The following SLC45A3 variants were observed in gnomAD, a reference collection of about 807,000 sequenced individuals.
The protein encoded by SLC45A3 is prostate cancer associated protein 2.
SLC45A3 carries 17 observed loss-of-function variants against 35.3 expected under a neutral mutation model. The ratio of observed to expected loss-of-function variants is 0.48; its 90% CI spans 0.33 to 0.72. The LOEUF (loss-of-function observed/expected upper bound fraction) is 0.72. SLC45A3 is among the 30% of genes least tolerant of loss of function. The pLI, the probability that SLC45A3 is intolerant of heterozygous loss-of-function variation, is 0.02. For synonymous variants in SLC45A3, 288 were observed against 334.3 expected (o/e 0.86, Z 1.51); for missense variants, 597 against 731.7 (o/e 0.82, Z 2.12).
chr1:205,663,454 G>C lies in SLC45A3; in HGVS notation c.337C>G (p.Leu113Val), dbSNP rs141243660. Reference sequence around the variant, plus strand: ...TCCAGGGGCCTGGGATCCGGGCACAGCAGCCCTGCTAGCCAGCCGGCCCTT... The same window carrying C: ...TCCAGGGGCCTGGGATCCGGGCACACCAGCCCTGCTAGCCAGCCGGCCCTT... Reference protein sequence around the residue: ...IPRAGWLAGLLCPDPRPLELA... With the variant: ...IPRAGWLAGLVCPDPRPLELA... Residue 113 changes from leucine to valine, a missense_variant, in exon 3 of 5, where the codon CTG becomes GTG. By Grantham distance (32) the Leu-to-Val change is conservative. Transcript: ENST00000367145. The C allele has an allele frequency of 2.0e-4, 324 of 1,612,810 alleles. 1 individual carries two copies. The African/African-American group carries it at 4.1e-3, about 20-fold the overall frequency.
rs1037398484 is a variant in SLC45A3, at chr1:205,662,236, G to A, written c.959-110C>T. 3 of 1,468,048 alleles carry A rather than the reference G, an allele frequency of 2.0e-6. No individual in the cohort carries two copies. Among genetic ancestry groups the A allele is most frequent in the South Asian group, 1.4e-5 (1 of 70,848 alleles). 90.9% of individuals were successfully genotyped at this position (1,468,048 alleles called of 1,614,324 possible). The stretch of plus-strand genomic sequence containing the variant: ...GTACCTGCTGCACGAGACCTGCTGT[G>A]GACCAGCCCTGCTCCCCAGCACCCT... On this transcript the variant is annotated intron_variant, in intron 3 of 4. Transcript: ENST00000367145. This position sits in a 1 kb window ranked among gnomAD's most constrained non-coding sequence, Gnocchi z 6.2.
At position 205,658,419 on chromosome 1, in the gene SLC45A3, C is replaced by A. The variant is rs1670960611; in HGVS notation, c.*815G>T. On this transcript the variant is annotated 3_prime_UTR_variant, in exon 5 of 5. Transcript: ENST00000367145. ...GGTTAGGCATTTTGGGGGGCCAGAC[C>A]CCAGGAGAAGAAGATTCTGGCAATG... The A allele has an allele frequency of 8.6e-6, 2 of 232,908 alleles. No individual in the cohort carries two copies. Among genetic ancestry groups the A allele is most frequent in the Non-Finnish European group, 1.7e-5 (2 of 117,930 alleles). The allele number at this position is 232,908 out of a possible 1,614,324, so 14.4% of individuals were successfully genotyped here. A position where few individuals can be genotyped will look rare whatever the true frequency, so the allele number is the denominator to read the frequency against.
intron 1 of SLC45A3, among the ~76,000 whole-genome samples, chr1:205,665,544 T>C (rs1018051365): frequency 6.6e-6 from 1 of 152,138 alleles, no homozygotes; most frequent in Non-Finnish European, 1.5e-5. Context: ...ATCCCTCACA[T>C]GGCCGTCCAA....
chr1:205,661,864 C>A lies in SLC45A3; in HGVS notation c.1221G>T (p.Lys407Asn). 2 of 1,611,952 alleles carry A rather than the reference C, an allele frequency of 1.2e-6. No homozygotes were observed. Among genetic ancestry groups the A allele is most frequent in the Non-Finnish European group, 1.7e-6 (2 of 1,178,492 alleles). ...YTLASLYHRE[K>N]QVFLPKYRGD... Reference sequence around the variant, plus strand: ...CCACCCACTGGCCAATGAGTACCTGCTTCTCCCGGTGGTAGAGGGAGGCCA... The same window carrying A: ...CCACCCACTGGCCAATGAGTACCTGATTCTCCCGGTGGTAGAGGGAGGCCA... Residue 407 changes from lysine to asparagine, a missense_variant, in exon 4 of 5, where the codon AAG becomes AAT. By Grantham distance (94) the Lys-to-Asn change is moderately conservative. Coordinates refer to ENST00000367145, the MANE Select transcript of SLC45A3 (RefSeq NM_033102.3).
At chr1:205,667,275 G>A (rs973432431) in intron 1 of SLC45A3, among the ~76,000 whole-genome samples, 1 of 152,332 alleles carries the variant, frequency 6.6e-6, no homozygotes, top group Admixed American at 6.5e-5. Context: ...GGAGGCCAAA[G>A]CAGGCAAATT....
At chr1:205,680,015 G>GCCGGTCCGCCAGCCGTCGGCCCGGC (rs1671377402) in intron 1 of SLC45A3, among the ~76,000 whole-genome samples, 1 of 142,672 alleles carries the variant, frequency 7.0e-6, no homozygotes, top group African/African-American at 2.5e-5. Flanking sequence ...GGAGCCAGCG[G>GCCGGTCCGCCAGCCGTCGGCCCGGC]CCGGTCCGCC....
Position 205,661,902 on chromosome 1 carries a change from G to C in SLC45A3, c.1183C>G (p.Leu395Val), listed in dbSNP as rs755640460. 1 of 1,614,174 alleles carries C rather than the reference G, an allele frequency of 6.2e-7. No individual in the cohort carries two copies. Among genetic ancestry groups the C allele is most frequent in the South Asian group, 1.1e-5 (1 of 91,072 alleles). ...TAGAGGGAGGCCAGTGTGTAGGGCA[G>C]GATCTGCAGGGCTGAGAAGGTGAAC... Reference protein sequence around the residue: ...TGFTFSALQILPYTLASLYHR... With the variant: ...TGFTFSALQIVPYTLASLYHR... The change falls in exon 4 of 5, where the codon CTG (leucine) becomes GTG (valine). Residue 395 changes from leucine to valine, a missense_variant. Leu to Val is a conservative substitution (Grantham distance 32). Coordinates refer to ENST00000367145, the MANE Select transcript of SLC45A3 (RefSeq NM_033102.3).
chr1:205,665,468 G>T (rs1220577750), intron 1 of SLC45A3, among the ~76,000 whole-genome samples: 1 of 152,160 alleles, frequency 6.6e-6, no homozygotes, highest in African/African-American at 2.4e-5. Flanking sequence ...TCCCTGGGGT[G>T]AGCCTAGGCC....
chr1:205,672,906 C>A (rs1448994135), intron 1 of SLC45A3, among the ~76,000 whole-genome samples: 1 of 152,176 alleles, frequency 6.6e-6, no homozygotes, highest in African/African-American at 2.4e-5. Flanking sequence ...CCTAAGGGCT[C>A]ACTGATGAGG....
Position 205,659,236 on chromosome 1 carries a change from A to AC in SLC45A3, c.1659dup (p.Ter554ValfsTer23), listed in dbSNP as rs1437940097. On this transcript the variant is annotated frameshift_variant, in exon 5 of 5. Coordinates refer to ENST00000367145, the MANE Select transcript of SLC45A3 (RefSeq NM_033102.3). LOFTEE classifies it high-confidence loss of function. This position sits in a 1 kb window ranked among gnomAD's most constrained non-coding sequence, Gnocchi z 5.8. ...CACCCCAATGTGCTGGAAGTTTTCT[A>AC]CGCTGAGTATTTGGCCAAGTCGCTC... 2.5e-6 allele frequency: 4 copies of AC among 1,606,224 alleles called. No homozygotes were observed. In the African/African-American group the frequency reaches 5.3e-5, roughly 21 times the overall value.
chr1:205,679,124 C>A (rs934252232), intron 1 of SLC45A3, among the ~76,000 whole-genome samples: 2 of 152,158 alleles, frequency 1.3e-5, no homozygotes, highest in East Asian at 1.9e-4. Context: ...AGGGTCACTG[C>A]GGGCCCTGGT....
rs927295178 is a variant in SLC45A3, at chr1:205,680,431, G to C, written c.-268C>G. 1 of 152,380 alleles carries C rather than the reference G, an allele frequency of 6.6e-6. No homozygotes were observed. The highest frequency in any genetic ancestry group is 1.5e-5 in the Non-Finnish European group (1 of 68,268). 9.4% of individuals were successfully genotyped at this position (152,380 alleles called of 1,614,324 possible). A position where few individuals can be genotyped will look rare whatever the true frequency, so the allele number is the denominator to read the frequency against. On this transcript the variant is annotated 5_prime_UTR_variant, in exon 1 of 5. Coordinates refer to ENST00000367145, the MANE Select transcript of SLC45A3 (RefSeq NM_033102.3). ...CGCGGCTGTCACCCGGAGCCAGCGC[G>C]TGCAGGCTGGTTCCGCCCCCCCTTC...
At position 205,673,993 on chromosome 1, in the gene SLC45A3, GA is replaced by G. The variant is rs139623133; in HGVS notation, c.-231+6400del. Reference sequence around the variant, plus strand: ...CTGCTGTGAAGATGCTGGGGACACAGAAAACAACTGATCGCAGCTCCCTTTG... The same window carrying G: ...CTGCTGTGAAGATGCTGGGGACACAGAAACAACTGATCGCAGCTCCCTTTG... On this transcript the variant is annotated intron_variant, in intron 1 of 4. Coordinates refer to ENST00000367145, the MANE Select transcript of SLC45A3 (RefSeq NM_033102.3). Among the ~76,000 whole-genome samples the G allele has an allele frequency of 5.3e-3, 811 of 152,318 alleles. 7 individuals are homozygous for G. The highest frequency in any genetic ancestry group is 0.019 in the African/African-American group (779 of 41,568).
rs1490905649 is a variant in SLC45A3, at chr1:205,662,416, C to T, written c.959-290G>A. 1.2e-5 allele frequency: 16 copies of T among 1,351,952 alleles called. 1 individual carries two copies. The Admixed American group carries it at 2.4e-4, about 20-fold the overall frequency. 83.7% of individuals were successfully genotyped at this position (1,351,952 alleles called of 1,614,324 possible). A position where few individuals can be genotyped will look rare whatever the true frequency, so the allele number is the denominator to read the frequency against. On this transcript the variant is annotated intron_variant, in intron 3 of 4. Coordinates refer to ENST00000367145, the MANE Select transcript of SLC45A3 (RefSeq NM_033102.3). This position sits in a 1 kb window ranked among gnomAD's most constrained non-coding sequence, Gnocchi z 6.2. Reference sequence around the variant, plus strand: ...AGGCGGGTGAGAGGGAACACAAAGACAGCTGGCCATAGGCTTCAAGACGCT... The same window carrying T: ...AGGCGGGTGAGAGGGAACACAAAGATAGCTGGCCATAGGCTTCAAGACGCT...
intron 1 of SLC45A3, among the ~76,000 whole-genome samples, chr1:205,672,794 A>G (rs1486032575): frequency 6.6e-6 from 1 of 151,974 alleles, no homozygotes; most frequent in Non-Finnish European, 1.5e-5. Flanking sequence ...GTAAAATGAG[A>G]GCTAATCTGG....
chr1:205,671,422 G>A (rs748603232), intron 1 of SLC45A3, among the ~76,000 whole-genome samples: 171 of 152,238 alleles, frequency 1.1e-3, no homozygotes, highest in Non-Finnish European at 1.4e-3. Context: ...GAATCCTGAC[G>A]TCCCCAAACC....
rs1438226911 is a variant in SLC45A3 at position 205,664,416 on chromosome 1, G to A, written c.172+69C>T. The stretch of plus-strand genomic sequence containing the variant: ...CCCTCCAAGCAGCTCCCAGGGCAGA[G>A]GTACTCCTGTCCCACATGCCAGGTG... On this transcript the variant is annotated intron_variant, in intron 2 of 4. Coordinates refer to ENST00000367145, the MANE Select transcript of SLC45A3 (RefSeq NM_033102.3). The surrounding 1 kb of genome is among the most constrained non-coding windows in gnomAD (Gnocchi z 5.3). 2 of 1,580,896 alleles carry A rather than the reference G, an allele frequency of 1.3e-6. No homozygotes were observed. The highest frequency in any genetic ancestry group is 1.7e-5 in the Admixed American group (1 of 58,778).
intron 1 of SLC45A3, among the ~76,000 whole-genome samples, chr1:205,678,479 G>A (rs1441333150): frequency 6.6e-6 from 1 of 152,150 alleles, no homozygotes; most frequent in Non-Finnish European, 1.5e-5. Context: ...TAAGGGGAGA[G>A]CTGGAGAGAG....
At chr1:205,679,459 C>G (rs906052465) in intron 1 of SLC45A3, among the ~76,000 whole-genome samples, 2 of 152,136 alleles carry the variant, frequency 1.3e-5, no homozygotes, top group South Asian at 4.1e-4. Flanking sequence ...GAAGGCCTGA[C>G]CCGCACTAGG....
Sources: allele counts gnomAD v4.1 joint callset (sites outside exome capture counted in the v4.1 genomes callset), GRCh38; gene constraint gnomAD v4.1.1; non-coding constraint Gnocchi (gnomAD v3.1); transcripts MANE v1.5; gene names NCBI Gene and HGNC (gene_info 2026-07-23, HGNC 2026-07-21).